CEP89: variants seen among roughly 807,000 people sequenced by gnomAD.
CEP89 encodes the protein centrosomal protein 89, also known as centrosomal protein of 89 kDa.
CEP89 carries 95 observed loss-of-function variants against 97.6 expected under a neutral mutation model. The ratio of observed to expected loss-of-function variants is 0.97; its 90% confidence interval spans 0.82 to 1.15. The LOEUF is 1.15. Ranked by LOEUF, CEP89 falls within the 50% of genes most tolerant of loss-of-function variation. CEP89 has a pLI of 0.00. For synonymous variants in CEP89, 354 were observed against 349.1 expected (o/e 1.01, Z -0.16); for missense variants, 869 against 947.7 (o/e 0.92, Z 1.09).
chr19:32,939,834 G>A, intron 6 of CEP89, 23 bp downstream of exon 6: 1 of 1,092,900 alleles, frequency 9.1e-7, no homozygotes, highest in Non-Finnish European at 1.4e-6. Context: ...GAGAAAATCA[G>A]TTTTTAAAAA....
At position 32,882,032 on chromosome 19, in the gene CEP89, CTG is replaced by C; in HGVS notation, c.1966-21_1966-20del. 1.3e-6 allele frequency: 2 copies of C among 1,551,834 alleles called. No individual in the cohort carries two copies. The highest frequency in any genetic ancestry group is 1.7e-6 in the Non-Finnish European group (2 of 1,148,110). On this transcript the variant is annotated intron_variant, in intron 17 of 18. Coordinates refer to ENST00000305768, the MANE Select transcript of CEP89 (RefSeq NM_032816.5). ...TGTAGCCCTGGTCGGGGGAAGGACT[CTG>C]TGAATGAGGGGACGCTGCCAGGCCA...
chr19:32,894,477 C>T (rs193113058), intron 16 of CEP89, among the ~76,000 whole-genome samples: 1 of 152,186 alleles, frequency 6.6e-6, no homozygotes, highest in Non-Finnish European at 1.5e-5. Context: ...CCAATCAACA[C>T]CAAAAGCCCA....
intron 12 of CEP89, among the ~76,000 whole-genome samples, chr19:32,921,902 A>G (rs1230931173): frequency 6.6e-6 from 1 of 152,216 alleles, no homozygotes; most frequent in Non-Finnish European, 1.5e-5. Flanking sequence ...CCAGATTTCT[A>G]AACATCACAT....
chr19:32,917,722 T>C, intron 13 of CEP89: 1 of 847,328 alleles, frequency 1.2e-6, no homozygotes, highest in Non-Finnish European at 1.4e-6. Flanking sequence ...GTTGGGGGAA[T>C]GCATGGGAAG....
At chr19:32,920,183 G>GCA (rs1314431091) in intron 12 of CEP89, among the ~76,000 whole-genome samples, 3 of 152,040 alleles carry the variant, frequency 2.0e-5, no homozygotes, top group Admixed American at 6.6e-5. Context: ...GACTACAGGT[G>GCA]CATGCCATCA....
chr19:32,898,262 G>C (rs1001973798), intron 16 of CEP89, among the ~76,000 whole-genome samples: 1 of 152,188 alleles, frequency 6.6e-6, no homozygotes. Context: ...ATTACGTTAA[G>C]TAAAATAAGC....
At chr19:32,897,957 T>C (rs917539616) in intron 16 of CEP89, among the ~76,000 whole-genome samples, 1 of 152,212 alleles carries the variant, frequency 6.6e-6, no homozygotes, top group East Asian at 1.9e-4. Flanking sequence ...ACAGCCATTA[T>C]GGAAAACAGT....
chr19:32,947,730 A>G (rs962081315), intron 5 of CEP89, among the ~76,000 whole-genome samples: 1 of 151,196 alleles, frequency 6.6e-6, no homozygotes, highest in Admixed American at 6.6e-5. Context: ...GCTGGTCTCA[A>G]ACTCCTAAGC....
chr19:32,951,038 G>A (rs1380324348), intron 4 of CEP89, among the ~76,000 whole-genome samples: 2 of 152,118 alleles, frequency 1.3e-5, no homozygotes, highest in Admixed American at 6.6e-5. Context: ...GTGATTTCTA[G>A]GGTACAAGTA....
intron 4 of CEP89, among the ~76,000 whole-genome samples, chr19:32,948,806 C>A (rs558965634): frequency 6.6e-6 from 1 of 152,152 alleles, no homozygotes; most frequent in Non-Finnish European, 1.5e-5. Context: ...CTCACTGCAG[C>A]CTTGACTTCC....
At chr19:32,920,059 G>A (rs554375009) in intron 12 of CEP89, among the ~76,000 whole-genome samples, 2 of 152,094 alleles carry the variant, frequency 1.3e-5, no homozygotes, top group East Asian at 1.9e-4. Flanking sequence ...TAGAAACAGG[G>A]TCTTGTTCTG....
intron 14 of CEP89, among the ~76,000 whole-genome samples, chr19:32,913,659 A>G (rs1233081975): frequency 7.1e-6 from 1 of 140,018 alleles, no homozygotes; most frequent in Non-Finnish European, 1.5e-5. Flanking sequence ...TTTTTTTGAG[A>G]CAAAGTCTCG....
Position 32,900,561 on chromosome 19 carries a change from G to A in CEP89, c.1734-563C>T, listed in dbSNP as rs529080842. On this transcript the variant is annotated intron_variant, in intron 15 of 18. Coordinates refer to ENST00000305768, the MANE Select transcript of CEP89 (RefSeq NM_032816.5). ...TTACAGGTGTGAGCCACCACACCTG[G>A]CCCATAGGCTCATTAAGTATTATTC... Among the ~76,000 whole-genome samples the A allele has an allele frequency of 4.6e-5, 7 of 152,034 alleles. No homozygotes were observed. In the East Asian group the frequency reaches 7.7e-4, roughly 17 times the overall value.
intron 17 of CEP89, among the ~76,000 whole-genome samples, chr19:32,886,856 CTTTCT>C (rs1036139992): frequency 8.0e-5 from 12 of 149,958 alleles, no homozygotes; most frequent in African/African-American, 3.0e-4. Context: ...CCCTTTCAGC[CTTTCT>C]TTTTTTTTTT....
At position 32,931,420 on chromosome 19, in the gene CEP89, A is replaced by C. The variant is rs200422758; in HGVS notation, c.1029+9T>G. ...CTGAAAAGCTGATTTTCACAATCGGAAACGTTACCTCTTCCTTGGACAAAT... is the reference window on the plus strand; with the variant it reads ...CTGAAAAGCTGATTTTCACAATCGGCAACGTTACCTCTTCCTTGGACAAAT... On this transcript the variant is annotated intron_variant, in intron 9 of 18. Coordinates refer to ENST00000305768, the MANE Select transcript of CEP89 (RefSeq NM_032816.5). The C allele has an allele frequency of 1.3e-6, 2 of 1,558,326 alleles. No individual in the cohort carries two copies. Among genetic ancestry groups the C allele is most frequent in the Admixed American group, 2.3e-5 (1 of 43,648 alleles).
At chr19:32,890,072 C>A (rs1969481117) in intron 16 of CEP89, among the ~76,000 whole-genome samples, 3 of 152,052 alleles carry the variant, frequency 2.0e-5, no homozygotes, top group Non-Finnish European at 4.4e-5. Flanking sequence ...TAAAGTATGG[C>A]CAGACTGACC....
chr19:32,943,649 A>G (rs910949079), intron 5 of CEP89, among the ~76,000 whole-genome samples: 2 of 151,768 alleles, frequency 1.3e-5, no homozygotes, highest in Admixed American at 6.6e-5. Flanking sequence ...AAACCCCACA[A>G]CTCACCACGT....
At chr19:32,886,827 C>G (rs922494498) in intron 17 of CEP89, among the ~76,000 whole-genome samples, 4 of 151,206 alleles carry the variant, frequency 2.6e-5, no homozygotes, top group Non-Finnish European at 5.9e-5. Flanking sequence ...CCCTCATAAA[C>G]AGCATGGCAT....
intron 2 of CEP89, among the ~76,000 whole-genome samples, chr19:32,961,151 AG>A (rs1568583243): frequency 6.6e-6 from 1 of 152,174 alleles, no homozygotes; most frequent in Non-Finnish European, 1.5e-5. Flanking sequence ...TGCTCCCACC[AG>A]GAAGACTGGA....
Sources: allele counts gnomAD v4.1 joint callset (sites outside exome capture counted in the v4.1 genomes callset), GRCh38; gene constraint gnomAD v4.1.1; transcripts MANE v1.5; gene names NCBI Gene and HGNC (gene_info 2026-07-23, HGNC 2026-07-21).